Variants in SHANK2 observed in about 807,000 individuals in gnomAD.
SHANK2 encodes SH3 and multiple ankyrin repeat domains 2, also known as SH3 and multiple ankyrin repeat domains protein 2.
In SHANK2, 43 loss-of-function variants were observed where a neutral mutation model predicts 133.7. The ratio of observed to expected loss-of-function variants is 0.32; its 90% confidence interval spans 0.25 to 0.41. The LOEUF is 0.41. SHANK2 is among the 10% of genes least tolerant of loss of function. SHANK2 has a pLI of 1.00. For synonymous variants in SHANK2, 1,017 were observed against 952.8 expected, an observed-to-expected ratio of 1.07 and a Z score of -1.24; for missense variants, 1,994 against 2,235.8, an observed-to-expected ratio of 0.89 and a Z score of 2.18.
At chr11:70,901,692 AC>A (rs1950025662) in intron 10 of SHANK2, among the ~76,000 whole-genome samples, 1 of 151,974 alleles carries the variant, frequency 6.6e-6, no homozygotes, top group African/African-American at 2.4e-5. Context: ...GGAGCCCCTT[AC>A]CCCCACAGGA....
chr11:70,788,433 G>A (rs375569578), intron 14 of SHANK2, among the ~76,000 whole-genome samples: 14 of 152,302 alleles, frequency 9.2e-5, no homozygotes, highest in East Asian at 3.9e-4. Flanking sequence ...TCTGAGTAGC[G>A]TGATGTCGAG....
intron 15 of SHANK2, chr11:70,669,422 A>G (rs539985174): frequency 6.6e-6 from 1 of 152,488 alleles, no homozygotes; most frequent in South Asian, 2.1e-4. Flanking sequence ...CCAGGCCAGC[A>G]GAGGAGGGGG....
intron 8 of SHANK2, among the ~76,000 whole-genome samples, chr11:71,090,562 G>A (rs79538776): frequency 7.5e-4 from 40 of 53,176 alleles, no homozygotes; most frequent in East Asian, 1.1e-3. Flanking sequence ...GTGTGTGTGT[G>A]TGTGTCCTGC....
chr11:70,489,436 T>C, intron 23 of SHANK2, 88 bp from the exon 24 acceptor site: 1 of 1,307,498 alleles, frequency 7.6e-7, no homozygotes, highest in Non-Finnish European at 1.1e-6. Context: ...GGGGGAGCTT[T>C]AAGCACAGCA....
At chr11:71,090,253 A>G (rs1386048512) in intron 8 of SHANK2, among the ~76,000 whole-genome samples, 1 of 52,322 alleles carries the variant, frequency 1.9e-5, no homozygotes. Context: ...TCTCCAGAGA[A>G]ACACAACCTC....
At chr11:70,840,497 C>T (rs1948886793) in intron 11 of SHANK2, among the ~76,000 whole-genome samples, 2 of 152,232 alleles carry the variant, frequency 1.3e-5, no homozygotes, top group Non-Finnish European at 2.9e-5. Flanking sequence ...CTGGGAGGAG[C>T]CCTCAGAGGA....
intron 2 of SHANK2, among the ~76,000 whole-genome samples, chr11:71,214,682 G>A (rs1294962815): frequency 6.6e-6 from 1 of 152,172 alleles, no homozygotes; most frequent in African/African-American, 2.4e-5. Context: ...CAGACCCTTG[G>A]CCCACCCAAG....
At chr11:70,757,608 CAT>C (rs1946902016) in intron 14 of SHANK2, among the ~76,000 whole-genome samples, 1 of 152,228 alleles carries the variant, frequency 6.6e-6, no homozygotes, top group Admixed American at 6.5e-5. Context: ...ATATTTCACA[CAT>C]GTGGCTGCAT....
chr11:70,866,091 T>G (rs1268477624), intron 11 of SHANK2, among the ~76,000 whole-genome samples: 2 of 152,164 alleles, frequency 1.3e-5, no homozygotes, highest in Non-Finnish European at 2.9e-5. Context: ...CGCGCGCAGA[T>G]GCCTCTGTCG....
At chr11:70,501,169 T>C (rs1555158377) in intron 20 of SHANK2, among the ~76,000 whole-genome samples, 2 of 152,204 alleles carry the variant, frequency 1.3e-5, no homozygotes, top group Non-Finnish European at 2.9e-5. Context: ...GCAGCGCCAC[T>C]GCAGGGCTGC....
At chr11:70,836,413 C>T (rs1216887813) in intron 11 of SHANK2, among the ~76,000 whole-genome samples, 1 of 152,212 alleles carries the variant, frequency 6.6e-6, no homozygotes, top group African/African-American at 2.4e-5. Context: ...CAGCAGCTGT[C>T]TTGAAGGCCA....
chr11:70,547,969 G>A (rs1482958825), intron 17 of SHANK2, among the ~76,000 whole-genome samples: 1 of 152,238 alleles, frequency 6.6e-6, no homozygotes, highest in Non-Finnish European at 1.5e-5. Flanking sequence ...CTGTCTCCCT[G>A]CCAGCCACAC....
rs116506694 is a variant in SHANK2, at chr11:71,130,786, G to A, written c.208-11754C>T. On this transcript the variant is annotated intron_variant, in intron 3 of 25. Transcript: ENST00000601538. ...AAATGCCAGAGCATCTCAGGTCGTG[G>A]CCCCACAGGGATATTCCCTATTCAG... 2.0e-3 allele frequency among the ~76,000 whole-genome samples: 310 copies of A among 152,058 alleles called. 2 individuals carry two copies. The highest frequency in any genetic ancestry group is 6.9e-3 in the African/African-American group (287 of 41,356).
intron 11 of SHANK2, among the ~76,000 whole-genome samples, chr11:70,878,550 C>A (rs1448324818): frequency 6.6e-6 from 1 of 152,180 alleles, no homozygotes. Context: ...TGGGTTTGGA[C>A]CCTGCCTATT....
At chr11:70,476,211 G>A (rs2058661398) in intron 25 of SHANK2, among the ~76,000 whole-genome samples, 1 of 152,096 alleles carries the variant, frequency 6.6e-6, no homozygotes, top group African/African-American at 2.4e-5. Flanking sequence ...CTGGGCGACT[G>A]AGCTAGACTT....
At chr11:71,100,678 T>C (rs1178069911) in intron 6 of SHANK2, among the ~76,000 whole-genome samples, 1 of 151,858 alleles carries the variant, frequency 6.6e-6, no homozygotes, top group African/African-American at 2.4e-5. Context: ...ACCATCCTGG[T>C]TAACACAGTG....
intron 15 of SHANK2, among the ~76,000 whole-genome samples, chr11:70,664,538 G>C (rs528142973): frequency 6.6e-6 from 1 of 152,292 alleles, no homozygotes; most frequent in South Asian, 2.1e-4. Context: ...TCTCCCTGGG[G>C]ACACATGGGC....
chr11:70,856,318 G>A lies in SHANK2; in HGVS notation c.1175-35636C>T, dbSNP rs546487332. On this transcript the variant is annotated intron_variant, in intron 11 of 25. Coordinates refer to ENST00000601538, the MANE Select transcript of SHANK2 (RefSeq NM_012309.5). Reference sequence around the variant, plus strand: ...GATGAATGGATGGGTGACTGGATGGGCAGATGGGTGGTTAGGTGGGCGCAT... The same window carrying A: ...GATGAATGGATGGGTGACTGGATGGACAGATGGGTGGTTAGGTGGGCGCAT... Among the ~76,000 whole-genome samples, 134 of 152,056 alleles carry A rather than the reference G, an allele frequency of 8.8e-4. 1 individual carries two copies. Among genetic ancestry groups the A allele is most frequent in the Middle Eastern group, 3.4e-3 (1 of 292 alleles).
chr11:70,492,570 G>T, intron 21 of SHANK2, 105 bp from the exon 22 acceptor site: 1 of 1,451,266 alleles, frequency 6.9e-7, no homozygotes. Flanking sequence ...CCAAAACTGT[G>T]CAGGGGGCAT....
Sources: allele counts gnomAD v4.1 joint callset (sites outside exome capture counted in the v4.1 genomes callset), GRCh38; gene constraint gnomAD v4.1.1; transcripts MANE v1.5; gene names NCBI Gene and HGNC (gene_info 2026-07-23, HGNC 2026-07-21).